The following NPAS3 variants were observed in gnomAD, a reference collection of about 807,000 sequenced individuals.
NPAS3 encodes neuronal PAS domain protein 3.
NPAS3 carries 14 observed loss-of-function variants against 73.1 expected under a neutral mutation model. That is an observed-to-expected ratio of 0.19 (90% CI 0.13 to 0.30). The LOEUF is 0.30. NPAS3 is among the 10% of genes least tolerant of loss of function. NPAS3 has a pLI of 1.00. For missense variants in NPAS3, 1,096 were observed against 1,250.0 expected (o/e 0.88, Z 1.86); for synonymous variants, 620 against 541.5 (o/e 1.14, Z -2.01).
intron 1 of NPAS3, among the ~76,000 whole-genome samples, chr14:32,985,957 G>A (rs1045106117): frequency 1.3e-5 from 2 of 152,288 alleles, no homozygotes; most frequent in African/African-American, 2.4e-5. Flanking sequence ...TGGCTTCCCC[G>A]TGTCATTCAG....
At chr14:33,388,171 T>G (rs1266219190) in intron 4 of NPAS3, among the ~76,000 whole-genome samples, 3 of 152,196 alleles carry the variant, frequency 2.0e-5, no homozygotes, top group Non-Finnish European at 4.4e-5. Flanking sequence ...CCTGTGTGAA[T>G]GCAGTGAAGG....
intron 6 of NPAS3, among the ~76,000 whole-genome samples, chr14:33,729,554 G>C (rs143237265): frequency 2.0e-4 from 30 of 152,224 alleles, no homozygotes; most frequent in Non-Finnish European, 2.6e-4. Context: ...TCATCTGAAG[G>C]CTCACCTAAA....
intron 1 of NPAS3, among the ~76,000 whole-genome samples, chr14:32,970,483 A>G (rs115115077): frequency 1.6e-3 from 248 of 152,294 alleles, no homozygotes; most frequent in African/African-American, 5.8e-3. Flanking sequence ...CACACAACAC[A>G]CAAATATAGT....
chr14:33,230,894 C>T (rs889266835), intron 3 of NPAS3, among the ~76,000 whole-genome samples: 2 of 152,168 alleles, frequency 1.3e-5, no homozygotes, highest in African/African-American at 4.8e-5. Context: ...TCTCTGTCCC[C>T]TGAAACTGTT....
At chr14:33,251,677 A>T (rs1295982129) in intron 3 of NPAS3, among the ~76,000 whole-genome samples, 1 of 152,138 alleles carries the variant, frequency 6.6e-6, no homozygotes, top group Non-Finnish European at 1.5e-5. Context: ...TCTCAGAACA[A>T]ATATGAAAAA....
chr14:33,286,787 G>C (rs985123758), intron 3 of NPAS3, among the ~76,000 whole-genome samples: 1 of 152,136 alleles, frequency 6.6e-6, no homozygotes, highest in African/African-American at 2.4e-5. Context: ...CTCTGACAAT[G>C]TGGTTTCTGA....
At chr14:33,579,319 G>A (rs1157525274) in intron 5 of NPAS3, among the ~76,000 whole-genome samples, 1 of 152,202 alleles carries the variant, frequency 6.6e-6, no homozygotes, top group Non-Finnish European at 1.5e-5. Context: ...TCTCTACTGG[G>A]TTTCAGTAAT....
At chr14:33,359,633 C>A (rs747619471) in intron 3 of NPAS3, among the ~76,000 whole-genome samples, 5 of 152,118 alleles carry the variant, frequency 3.3e-5, no homozygotes, top group African/African-American at 4.8e-5. Context: ...AGAGAGTGTA[C>A]CAAATCTAAC....
intron 9 of NPAS3, among the ~76,000 whole-genome samples, chr14:33,788,863 G>C (rs374129697): frequency 2.4e-4 from 36 of 151,736 alleles, no homozygotes; most frequent in African/African-American, 8.5e-4. Flanking sequence ...GATTTGCAGG[G>C]AGAAGAATTA....
At chr14:33,018,551 G>T (rs972678549) in intron 1 of NPAS3, among the ~76,000 whole-genome samples, 11 of 152,134 alleles carry the variant, frequency 7.2e-5, no homozygotes, top group South Asian at 6.2e-4. Flanking sequence ...TCTTTGAAAA[G>T]AATGCATTTT....
chr14:33,267,588 ATTC>A (rs1167492491), intron 3 of NPAS3, among the ~76,000 whole-genome samples: 4 of 152,244 alleles, frequency 2.6e-5, no homozygotes, highest in Admixed American at 2.6e-4. Context: ...ATAAGCCAAT[ATTC>A]TTCTTCATGA....
At chr14:33,226,239 G>A (rs1392954654) in intron 3 of NPAS3, among the ~76,000 whole-genome samples, 1 of 152,184 alleles carries the variant, frequency 6.6e-6, no homozygotes, top group African/African-American at 2.4e-5. Context: ...GAAGCATGAT[G>A]AAAACATTGT....
chr14:32,957,576 G>C (rs2139192642), intron 1 of NPAS3, among the ~76,000 whole-genome samples: 1 of 152,070 alleles, frequency 6.6e-6, no homozygotes, highest in East Asian at 1.9e-4. Context: ...GTTTCACTGT[G>C]TTAGCCAGGA....
chr14:33,332,524 T>A (rs1478681261), intron 3 of NPAS3, among the ~76,000 whole-genome samples: 1 of 152,280 alleles, frequency 6.6e-6, no homozygotes, highest in East Asian at 1.9e-4. Flanking sequence ...ACACAACTGA[T>A]CATTTGGGGC....
At chr14:33,584,090 A>T (rs1414242225) in intron 5 of NPAS3, among the ~76,000 whole-genome samples, 1 of 152,158 alleles carries the variant, frequency 6.6e-6, no homozygotes, top group Non-Finnish European at 1.5e-5. Flanking sequence ...AATCACATGT[A>T]TTTTCATATT....
intron 2 of NPAS3, among the ~76,000 whole-genome samples, chr14:33,130,401 A>G (rs1254466308): frequency 6.6e-6 from 1 of 152,180 alleles, no homozygotes; most frequent in Non-Finnish European, 1.5e-5. Flanking sequence ...GGTGAAGAGG[A>G]ATAGTCTTTG....
chr14:33,424,722 G>C (rs1012178175), intron 4 of NPAS3, among the ~76,000 whole-genome samples: 2 of 151,630 alleles, frequency 1.3e-5, no homozygotes, highest in Non-Finnish European at 2.9e-5. Context: ...ATGGGAGGAG[G>C]GGGAAGTGTT....
intron 2 of NPAS3, among the ~76,000 whole-genome samples, chr14:33,197,671 T>C (rs1215156267): frequency 6.6e-6 from 1 of 152,242 alleles, no homozygotes; most frequent in East Asian, 1.9e-4. Flanking sequence ...AAAACTCTTT[T>C]GCAAACTGCA....
At chr14:33,683,059 CTCTTCTCTTTCAAAA>C (rs2059984804) in intron 6 of NPAS3, among the ~76,000 whole-genome samples, 1 of 11,966 alleles carries the variant, frequency 8.4e-5, no homozygotes, top group South Asian at 4.4e-3. Flanking sequence ...AACTAACTTT[CTCTTCTCTTTCAAAA>C]TTTAAATCAC....
Sources: gnomAD v4.1 joint callset for allele counts (sites outside exome capture counted in the v4.1 genomes callset) on GRCh38, gnomAD v4.1.1 for gene constraint, MANE v1.5 for transcripts, NCBI Gene and HGNC (gene_info 2026-07-23, HGNC 2026-07-21) for gene names.